The following EPHA6 variants were observed in gnomAD, a reference collection of about 807,000 sequenced individuals.
EPHA6 encodes the protein EPH receptor A6.
EPHA6 carries 50 observed loss-of-function variants against 112.0 expected under a neutral mutation model. The observed-to-expected ratio is 0.45, with a 90% CI of 0.36 to 0.56. EPHA6 has a LOEUF of 0.56. Among genes scored for constraint, EPHA6 ranks in the 20% least tolerant of loss-of-function variants. The pLI, the probability that EPHA6 is intolerant of heterozygous loss-of-function variation, is 0.00. For synonymous variants in EPHA6, 529 were observed against 490.7 expected, an observed-to-expected ratio of 1.08 and a Z score of -1.03; for missense variants, 1,280 against 1,417.4, an observed-to-expected ratio of 0.90 and a Z score of 1.56.
At chr3:97,109,474 A>G (rs2108278397) in intron 3 of EPHA6, among the ~76,000 whole-genome samples, 1 of 152,320 alleles carries the variant, frequency 6.6e-6, no homozygotes, top group African/African-American at 2.4e-5. Flanking sequence ...TTAAGGATTT[A>G]TAGCTTCATG....
chr3:97,343,272 G>T (rs767450353), intron 5 of EPHA6, among the ~76,000 whole-genome samples: 2 of 152,184 alleles, frequency 1.3e-5, no homozygotes, highest in African/African-American at 2.4e-5. Context: ...AAGTAGCAAA[G>T]AACTTGGCTA....
At chr3:97,073,876 G>T (rs2046433819) in intron 3 of EPHA6, among the ~76,000 whole-genome samples, 1 of 151,884 alleles carries the variant, frequency 6.6e-6, no homozygotes, top group African/African-American at 2.4e-5. Context: ...CTTCAACAGG[G>T]ACAATCACTA....
chr3:97,518,619 T>C (rs1196698344), intron 10 of EPHA6, among the ~76,000 whole-genome samples: 1 of 151,974 alleles, frequency 6.6e-6, no homozygotes, highest in East Asian at 1.9e-4. Flanking sequence ...AGTGTAACCG[T>C]TTTTCTGCAT....
chr3:97,638,066 C>T lies in EPHA6; in HGVS notation c.2768C>T (p.Ala923Val). Residue 923 changes from alanine (A) to valine (V), a missense_variant, in exon 14 of 18, where the codon GCT becomes GTT. Transcript: ENST00000389672. ...AGAGTGCTGGAAGATGATCCAGAAG[C>T]TGCTTATACAACAACTGTAAGTTTA... ...LSRVLEDDPE[A>V]AYTTTGGKIP... The T allele has an allele frequency of 6.2e-7, 1 of 1,613,094 alleles. No homozygotes were observed. Among genetic ancestry groups the T allele is most frequent in the East Asian group, 2.2e-5 (1 of 44,862 alleles).
At chr3:97,112,964 C>A (rs556042500) in intron 3 of EPHA6, among the ~76,000 whole-genome samples, 6 of 152,144 alleles carry the variant, frequency 3.9e-5, no homozygotes, top group Non-Finnish European at 8.8e-5. Context: ...CCTAAGAGTT[C>A]AACACTCACT....
At position 96,987,645 on chromosome 3, in the gene EPHA6, T is replaced by C. The variant is rs1260110373; in HGVS notation, c.766T>C (p.Leu256=). Residue 256 remains leucine (L), a synonymous_variant, in exon 3 of 18, where the codon TTG becomes CTG. Coordinates refer to ENST00000389672, the MANE Select transcript of EPHA6 (RefSeq NM_001080448.3). ...AADESFTQMD[L]GDRILKLNTE... ...TGATGAGAGTTTTACCCAGATGGATTTGGGTGATCGCATCCTCAAACTCAA... is the reference window on the plus strand; with the variant it reads ...TGATGAGAGTTTTACCCAGATGGATCTGGGTGATCGCATCCTCAAACTCAA... The C allele has an allele frequency of 3.1e-6, 5 of 1,609,418 alleles. No individual in the cohort carries two copies. The Admixed American group carries it at 8.4e-5, about 27-fold the overall frequency.
intron 7 of EPHA6, among the ~76,000 whole-genome samples, chr3:97,457,533 T>G (rs899215543): frequency 4.6e-5 from 7 of 152,138 alleles, no homozygotes; most frequent in Admixed American, 3.9e-4. Flanking sequence ...ATATGAATAT[T>G]AAATATTATA....
chr3:97,278,465 C>A (rs921824648), intron 5 of EPHA6, among the ~76,000 whole-genome samples: 50 of 152,118 alleles, frequency 3.3e-4, no homozygotes, highest in African/African-American at 1.1e-3. Context: ...ACATTATAAG[C>A]CTTTGCGTTT....
At chr3:96,852,270 G>C (rs2035438670) in intron 1 of EPHA6, among the ~76,000 whole-genome samples, 1 of 151,956 alleles carries the variant, frequency 6.6e-6, no homozygotes. Context: ...GACCTGGGCG[G>C]ATCACTTAAG....
At chr3:97,487,924 T>A (rs1384701181) in intron 10 of EPHA6, among the ~76,000 whole-genome samples, 1 of 152,132 alleles carries the variant, frequency 6.6e-6, no homozygotes. Flanking sequence ...TAGGGGAGAA[T>A]CATTATTTTA....
chr3:97,382,664 G>GT (rs2085822847), intron 5 of EPHA6, among the ~76,000 whole-genome samples: 2 of 151,950 alleles, frequency 1.3e-5, no homozygotes, highest in African/African-American at 4.8e-5. Flanking sequence ...CTCTTACAAA[G>GT]ATGGATCAGC....
chr3:97,317,154 G>C (rs1417651286), intron 5 of EPHA6, among the ~76,000 whole-genome samples: 1 of 151,574 alleles, frequency 6.6e-6, no homozygotes, highest in Non-Finnish European at 1.5e-5. Flanking sequence ...AAGAAAATGT[G>C]ATGATGGAAA....
intron 2 of EPHA6, among the ~76,000 whole-genome samples, chr3:96,959,278 A>T (rs1385655018): frequency 6.6e-6 from 1 of 152,172 alleles, no homozygotes; most frequent in African/African-American, 2.4e-5. Context: ...ATAGCTTTTC[A>T]TATGTTTATT....
At chr3:96,999,987 T>C (rs1259247488) in intron 3 of EPHA6, among the ~76,000 whole-genome samples, 1 of 151,906 alleles carries the variant, frequency 6.6e-6, no homozygotes, top group African/African-American at 2.4e-5. Flanking sequence ...TCAACCCAGC[T>C]AATTATTGAC....
At chr3:97,735,829 C>A in intron 15 of EPHA6, 96 bp from the exon 16 acceptor site, 4 of 828,798 alleles carry the variant, frequency 4.8e-6, no homozygotes, top group Non-Finnish European at 5.4e-6. Context: ...TCATGCTTAC[C>A]ATTATTTTGG....
chr3:97,043,463 C>G (rs1419390264), intron 3 of EPHA6, among the ~76,000 whole-genome samples: 1 of 152,056 alleles, frequency 6.6e-6, no homozygotes, highest in Non-Finnish European at 1.5e-5. Flanking sequence ...CCCTGGAAAA[C>G]CTTGCCAAGA....
chr3:97,719,397 AG>A (rs2034410955), intron 14 of EPHA6, among the ~76,000 whole-genome samples: 1 of 152,062 alleles, frequency 6.6e-6, no homozygotes, highest in Non-Finnish European at 1.5e-5. Flanking sequence ...TCCGCCATCT[AG>A]TGGCGCTAGG....
At chr3:97,293,577 A>G (rs1224705659) in intron 5 of EPHA6, among the ~76,000 whole-genome samples, 3 of 152,194 alleles carry the variant, frequency 2.0e-5, no homozygotes, top group African/African-American at 7.2e-5. Context: ...CATCTGTGTG[A>G]GTCTGATTCC....
Position 96,827,444 on chromosome 3 carries a change from C to T in EPHA6, c.385+12436C>T, listed in dbSNP as rs553876976. 1.9e-3 allele frequency among the ~76,000 whole-genome samples: 283 copies of T among 151,996 alleles called. 1 individual carries two copies. Among genetic ancestry groups the T allele is most frequent in the Admixed American group, 7.4e-3 (113 of 15,230 alleles). ...TAAAAAAATGTGTAGAGAACACTTG[C>T]CCATCCTATTTAACTTCATTTTCTA... On this transcript the variant is annotated intron_variant, in intron 1 of 17. Transcript: ENST00000389672.
Sources: gnomAD v4.1 joint callset for allele counts (sites outside exome capture counted in the v4.1 genomes callset) on GRCh38, gnomAD v4.1.1 for gene constraint, MANE v1.5 for transcripts, NCBI Gene and HGNC (gene_info 2026-07-23, HGNC 2026-07-21) for gene names.